Variants in ARAP2 observed in about 807,000 individuals in gnomAD.
The protein encoded by ARAP2 is arf-GAP with Rho-GAP domain, ANK repeat and PH domain-containing protein 2.
Under a neutral mutation model 194.5 loss-of-function variants are expected in ARAP2, and 148 were observed. The ratio of observed to expected loss-of-function variants is 0.76; its 90% CI spans 0.67 to 0.87. The LOEUF (loss-of-function observed/expected upper bound fraction) is 0.87. Among genes scored for constraint, ARAP2 ranks in the 40% least tolerant of loss-of-function variants. The pLI, the probability that ARAP2 is intolerant of heterozygous loss-of-function variation, is 0.00. For missense variants in ARAP2, 2,128 were observed against 1,989.7 expected (o/e 1.07, Z -1.32); for synonymous variants, 695 against 683.5 (o/e 1.02, Z -0.26).
rs1015982884 is a variant in ARAP2, at chr4:36,067,722, G to T, written c.*185C>A. 1.5e-5 allele frequency: 9 copies of T among 582,538 alleles called. No individual in the cohort carries two copies. In the Admixed American group the frequency reaches 2.9e-4, roughly 19 times the overall value. 36.1% of individuals were successfully genotyped at this position (582,538 alleles called of 1,614,324 possible). ...CAAGGTTTGTTCAGACCAAAATAAA[G>T]TTAATCTTACATTCAGTCACATATA... On this transcript the variant is annotated 3_prime_UTR_variant, in exon 33 of 33. Transcript: ENST00000303965.
intron 9 of ARAP2, among the ~76,000 whole-genome samples, chr4:36,171,079 G>T (rs2109824399): frequency 6.6e-6 from 1 of 152,224 alleles, no homozygotes; most frequent in South Asian, 2.1e-4. Flanking sequence ...TATTATTCAG[G>T]TATTCCTCTC....
chr4:36,243,220 G>A (rs903847693), intron 1 of ARAP2, among the ~76,000 whole-genome samples: 1 of 151,828 alleles, frequency 6.6e-6, no homozygotes, highest in African/African-American at 2.4e-5. Context: ...CTTAAGTGCA[G>A]ATAAATCAAT....
intron 19 of ARAP2, 108 bp downstream of exon 19, chr4:36,147,188 T>C (rs1729829687): frequency 1.0e-6 from 1 of 960,242 alleles, no homozygotes; most frequent in African/African-American, 1.7e-5. Context: ...TTCAGAAAAT[T>C]TCAACAGGTT....
intron 8 of ARAP2, among the ~76,000 whole-genome samples, chr4:36,014,273 G>T (rs996096318): frequency 1.4e-5 from 2 of 138,572 alleles, no homozygotes; most frequent in Non-Finnish European, 3.1e-5. Flanking sequence ...AAGAAAGAAA[G>T]AAAGAAAGAA....
intron 9 of ARAP2, among the ~76,000 whole-genome samples, chr4:36,008,182 A>T (rs542289929): frequency 2.6e-5 from 4 of 152,228 alleles, no homozygotes; most frequent in African/African-American, 9.6e-5. Flanking sequence ...TTCACAAATT[A>T]GAAAAAATCT....
rs185561180 is a variant in ARAP2, at chr4:36,218,827, A to T, written c.906-4347T>A. On this transcript the variant is annotated intron_variant, in intron 2 of 32. Coordinates refer to ENST00000303965, the MANE Select transcript of ARAP2 (RefSeq NM_015230.4). ...TATTGTACAAGGGGTTTATACCCAC[A>T]GTTTATCAGTAACTCTTAAGAATAA... 1.1e-4 allele frequency among the ~76,000 whole-genome samples: 17 copies of T among 152,342 alleles called. No individual in the cohort carries two copies. The East Asian group carries it at 3.3e-3, about 29-fold the overall frequency.
intron 17 of ARAP2, 117 bp downstream of exon 17, chr4:36,148,288 T>A: frequency 1.4e-6 from 1 of 696,114 alleles, no homozygotes; most frequent in Non-Finnish European, 2.3e-6. Flanking sequence ...TCTAATGAAG[T>A]ATGAACTTTA....
At chr4:36,238,498 T>C (rs1752861799) in intron 1 of ARAP2, among the ~76,000 whole-genome samples, 1 of 152,156 alleles carries the variant, frequency 6.6e-6, no homozygotes, top group African/African-American at 2.4e-5. Flanking sequence ...TAAAATTGAT[T>C]TAATAGTAAA....
rs549143402 is a variant in ARAP2, at chr4:36,010,044, C to A, written n.1325+2519G>T. ...CAGTTGTATACTGTACTCAAAAGTT[C>A]TTTTCATCCTTTGATTCAAAGGCAA... On this transcript the variant is annotated intron_variant and non_coding_transcript_variant, in intron 9 of 12. Coordinates refer to the ARAP2 transcript ENST00000503225. Among the ~76,000 whole-genome samples, 260 of 151,944 alleles carry A rather than the reference C, an allele frequency of 1.7e-3. 1 individual carries two copies. The highest frequency in any genetic ancestry group is 3.4e-3 in the Non-Finnish European group (229 of 67,938).
chr4:36,211,885 G>A (rs972360013), intron 5 of ARAP2, among the ~76,000 whole-genome samples: 1 of 151,990 alleles, frequency 6.6e-6, no homozygotes, highest in Non-Finnish European at 1.5e-5. Flanking sequence ...TAATGTGCCA[G>A]TATGCCAAGT....
At chr4:36,163,080 T>A (rs1346424119) in intron 11 of ARAP2, among the ~76,000 whole-genome samples, 1 of 152,184 alleles carries the variant, frequency 6.6e-6, no homozygotes, top group Non-Finnish European at 1.5e-5. Context: ...CTAGTAGGCA[T>A]ATAATCATAA....
Position 36,068,267 on chromosome 4 carries a change from T to C in ARAP2, c.4755A>G (p.Ala1585=), listed in dbSNP as rs754792123. 3 of 1,550,208 alleles carry C rather than the reference T, an allele frequency of 1.9e-6. No homozygotes were observed. The South Asian group carries it at 3.7e-5, about 19-fold the overall frequency. The part of the protein sequence containing the change: ...LARKNIESAR[A]ELERLRLSEK... ...CACTGAGCCGCAGCCTTTCAAGTTC[T>C]GCTCTTGCACTCTAAAAATAAAATT... The change falls in exon 33 of 33, where the codon GCA becomes GCG. Residue 1585 remains alanine (A), a synonymous_variant. Coordinates refer to ENST00000303965, the MANE Select transcript of ARAP2 (RefSeq NM_015230.4).
chr4:36,078,519 C>G (rs1560380250), intron 31 of ARAP2, among the ~76,000 whole-genome samples: 1 of 152,106 alleles, frequency 6.6e-6, no homozygotes, highest in Non-Finnish European at 1.5e-5. Context: ...TGCTATTTTG[C>G]TGTTTCCCTA....
At chr4:36,206,941 A>T (rs1428758566) in intron 6 of ARAP2, among the ~76,000 whole-genome samples, 1 of 152,266 alleles carries the variant, frequency 6.6e-6, no homozygotes, top group African/African-American at 2.4e-5. Flanking sequence ...TCTTTAATAT[A>T]CAGTGCAGTT....
chr4:36,042,846 C>T (rs200743274), intron 5 of ARAP2, among the ~76,000 whole-genome samples: 1 of 124,672 alleles, frequency 8.0e-6, no homozygotes, highest in South Asian at 2.5e-4. Context: ...TTTTTTTCTT[C>T]TTTTTTTTTT....
At chr4:36,047,747 T>A (rs1041209418) in intron 3 of ARAP2, among the ~76,000 whole-genome samples, 14 of 152,198 alleles carry the variant, frequency 9.2e-5, no homozygotes, top group Admixed American at 2.6e-4. Flanking sequence ...ATTTAACAAG[T>A]ACATACTCCA....
At chr4:36,091,803 G>C (rs1006323592) in intron 28 of ARAP2, 78 bp downstream of exon 28, 49 of 1,437,546 alleles carry the variant, frequency 3.4e-5, no homozygotes, top group Non-Finnish European at 4.6e-6. Flanking sequence ...ACTTCCAAGA[G>C]AGATGGCTGA....
intron 1 of ARAP2, among the ~76,000 whole-genome samples, chr4:36,237,591 C>T (rs991593101): frequency 3.3e-5 from 5 of 152,186 alleles, no homozygotes; most frequent in Admixed American, 3.3e-4. Flanking sequence ...TTCCTGGCAT[C>T]TGATATGCTA....
At chr4:36,058,761 A>T (rs1723936140) in intron 1 of ARAP2, among the ~76,000 whole-genome samples, 1 of 152,216 alleles carries the variant, frequency 6.6e-6, no homozygotes, top group African/African-American at 2.4e-5. Flanking sequence ...TTAATCTAAG[A>T]CTTTGCATTT....
Sources: allele counts gnomAD v4.1 joint callset (sites outside exome capture counted in the v4.1 genomes callset), GRCh38; gene constraint gnomAD v4.1.1; transcripts MANE v1.5; gene names NCBI Gene and HGNC (gene_info 2026-07-23, HGNC 2026-07-21).